Variants in SPATA6 observed in about 807,000 individuals in gnomAD.
SPATA6 encodes spermatogenesis-associated protein 6.
SPATA6 carries 56 observed loss-of-function variants against 65.3 expected under a neutral mutation model. That is an observed-to-expected ratio of 0.86 (90% CI 0.69 to 1.07). SPATA6 has a LOEUF of 1.07. Among genes scored for constraint, SPATA6 ranks in the 50% least tolerant of loss-of-function variants. SPATA6 has a pLI of 0.00. For missense variants in SPATA6, 590 were observed against 594.8 expected (o/e 0.99, Z 0.08); for synonymous variants, 199 against 213.2 (o/e 0.93, Z 0.58).
At chr1:48,335,615 CA>C (rs1252103784) in intron 11 of SPATA6, among the ~76,000 whole-genome samples, 2 of 152,142 alleles carry the variant, frequency 1.3e-5, no homozygotes, top group African/African-American at 4.8e-5. Context: ...TTCCTTAAAA[CA>C]TATGCAAAAA....
intron 11 of SPATA6, among the ~76,000 whole-genome samples, chr1:48,352,091 G>A (rs1034048793): frequency 1.3e-5 from 2 of 152,016 alleles, no homozygotes; most frequent in African/African-American, 2.4e-5. Flanking sequence ...CACGTGGCTG[G>A]GGAAGCCTCA....
intron 9 of SPATA6, among the ~76,000 whole-genome samples, chr1:48,363,546 T>A (rs892004212): frequency 6.6e-6 from 1 of 152,126 alleles, no homozygotes; most frequent in African/African-American, 2.4e-5. Context: ...AGAGCTTGGC[T>A]CATAAAGATA....
intron 11 of SPATA6, among the ~76,000 whole-genome samples, chr1:48,314,101 G>A (rs958572822): frequency 8.6e-5 from 13 of 151,964 alleles, no homozygotes; most frequent in African/African-American, 2.7e-4. Flanking sequence ...GGGAGACTTT[G>A]ACACCCCACT....
intron 8 of SPATA6, among the ~76,000 whole-genome samples, chr1:48,393,989 A>G (rs1166902328): frequency 2.0e-5 from 3 of 152,128 alleles, no homozygotes; most frequent in Non-Finnish European, 4.4e-5. Flanking sequence ...TTTAGGGCAT[A>G]CAAATTCAGT....
chr1:48,446,146 G>A lies in SPATA6; in HGVS notation c.238+5406C>T, dbSNP rs534509764. 2.0e-5 allele frequency among the ~76,000 whole-genome samples: 3 copies of A among 151,994 alleles called. No individual in the cohort carries two copies. In the East Asian group the frequency reaches 5.8e-4, roughly 29 times the overall value. On this transcript the variant is annotated intron_variant, in intron 3 of 12. Transcript: ENST00000371847. The stretch of plus-strand genomic sequence containing the variant: ...GTAGAAAAGCAGCCATTACCCCTAG[G>A]GCTCAGAGTACCAACAAAGAAACTC...
intron 9 of SPATA6, among the ~76,000 whole-genome samples, chr1:48,372,502 C>G (rs78018678): frequency 6.6e-6 from 1 of 152,166 alleles, no homozygotes; most frequent in Non-Finnish European, 1.5e-5. Context: ...GCTGCTTTCA[C>G]GGGCTGGCAT....
At chr1:48,303,002 G>T (rs1308783543) in intron 12 of SPATA6, among the ~76,000 whole-genome samples, 1 of 152,058 alleles carries the variant, frequency 6.6e-6, no homozygotes, top group East Asian at 1.9e-4. Flanking sequence ...AAAGCTGCCA[G>T]TATTTCAATA....
At chr1:48,442,880 T>C (rs1413434281) in intron 3 of SPATA6, among the ~76,000 whole-genome samples, 1 of 152,178 alleles carries the variant, frequency 6.6e-6, no homozygotes, top group Non-Finnish European at 1.5e-5. Flanking sequence ...CTGAAAGCAC[T>C]GAGGCCACTG....
intron 11 of SPATA6, among the ~76,000 whole-genome samples, chr1:48,315,537 T>C (rs1157794743): frequency 6.6e-6 from 1 of 152,138 alleles, no homozygotes; most frequent in East Asian, 1.9e-4. Context: ...ATGGGATGTA[T>C]CTCAAAATAA....
At chr1:48,370,146 G>T (rs1437409325) in intron 9 of SPATA6, among the ~76,000 whole-genome samples, 2 of 152,114 alleles carry the variant, frequency 1.3e-5, no homozygotes, top group East Asian at 3.9e-4. Flanking sequence ...ACAAATAATG[G>T]GAACTAGAAA....
chr1:48,288,826 G>A, the SPATA6 span, among the ~76,000 whole-genome samples: 4 of 152,222 alleles, frequency 2.6e-5, no homozygotes, highest in Non-Finnish European at 5.9e-5. Context: ...TGAGGCTTGA[G>A]TAGGAAAACA....
chr1:48,391,203 GAAAAA>G (rs34715593), intron 8 of SPATA6, among the ~76,000 whole-genome samples: 1 of 108,418 alleles, frequency 9.2e-6, no homozygotes, highest in Non-Finnish European at 1.9e-5. Flanking sequence ...AATCTCTACA[GAAAAA>G]AAAAAAAAAA....
chr1:48,339,263 A>G (rs1646140641), intron 11 of SPATA6, among the ~76,000 whole-genome samples: 1 of 152,062 alleles, frequency 6.6e-6, no homozygotes, highest in African/African-American at 2.4e-5. Context: ...AGAATCACCA[A>G]ATCATCAATA....
chr1:48,470,993 T>C (rs1658194999), intron 1 of SPATA6, among the ~76,000 whole-genome samples: 1 of 152,116 alleles, frequency 6.6e-6, no homozygotes, highest in African/African-American at 2.4e-5. Context: ...GGAAAGGGTC[T>C]TGTGGAGATT....
intron 11 of SPATA6, among the ~76,000 whole-genome samples, chr1:48,343,518 T>G (rs1646276872): frequency 6.6e-6 from 1 of 152,130 alleles, no homozygotes. Context: ...GTAATGCATC[T>G]TTGCATTGGA....
chr1:48,293,213 C>T (rs557343211), downstream of SPATA6, among the ~76,000 whole-genome samples: 8 of 152,302 alleles, frequency 5.3e-5, no homozygotes, highest in African/African-American at 1.4e-4. Context: ...TTGGGCAGTA[C>T]CCACAAATTG....
At chr1:48,278,858 C>G in the SPATA6 span, among the ~76,000 whole-genome samples, 1 of 152,138 alleles carries the variant, frequency 6.6e-6, no homozygotes, top group Non-Finnish European at 1.5e-5. Flanking sequence ...TCGAGAAGAG[C>G]AACTCCAAGA....
chr1:48,283,093 A>T, the SPATA6 span, among the ~76,000 whole-genome samples: 2 of 150,246 alleles, frequency 1.3e-5, no homozygotes, highest in African/African-American at 4.9e-5. Flanking sequence ...ACAAAAAACC[A>T]AACACCGCAT....
At chr1:48,429,829 AC>A (rs2148053682) in intron 3 of SPATA6, among the ~76,000 whole-genome samples, 1 of 152,304 alleles carries the variant, frequency 6.6e-6, no homozygotes, top group Non-Finnish European at 1.5e-5. Context: ...TGCAGCTGAA[AC>A]ATACAATAAC....
Sources: allele counts gnomAD v4.1 joint callset (sites outside exome capture counted in the v4.1 genomes callset), GRCh38; gene constraint gnomAD v4.1.1; transcripts MANE v1.5; gene names NCBI Gene and HGNC (gene_info 2026-07-23, HGNC 2026-07-21).